C21orf58: variants seen among roughly 807,000 people sequenced by gnomAD.
C21orf58 encodes chromosome 21 open reading frame 58.
A neutral mutation model predicts 35.8 loss-of-function variants in C21orf58; 34 were observed. The ratio of observed to expected loss-of-function variants is 0.95; its 90% CI spans 0.72 to 1.26. C21orf58 has a LOEUF of 1.26. Among genes scored for constraint, C21orf58 ranks in the 50% most tolerant of loss-of-function variants. The probability of loss-of-function intolerance (pLI) is 0.00; values close to 1 mark genes in which losing one functional copy is unlikely to be tolerated. For synonymous variants in C21orf58, 191 were observed against 175.8 expected (o/e 1.09, Z -0.68); for missense variants, 440 against 414.3 (o/e 1.06, Z -0.54).
At chr21:46,303,074 G>A (rs1161582920) in intron 6 of C21orf58, among the ~76,000 whole-genome samples, 1 of 152,132 alleles carries the variant, frequency 6.6e-6, no homozygotes, top group East Asian at 1.9e-4. Context: ...TGAGGCATGA[G>A]AATCGCTTGA....
chr21:46,300,792 G>C (rs1294529439), downstream of C21orf58: 1 of 1,288,586 alleles, frequency 7.8e-7, no homozygotes, highest in Non-Finnish European at 1.0e-6. Context: ...GAAAGAATCT[G>C]TCCTAATAGG....
At chr21:46,319,307 AC>A (rs757590313) in intron 1 of C21orf58, among the ~76,000 whole-genome samples, 22 of 152,334 alleles carry the variant, frequency 1.4e-4, no homozygotes, top group Non-Finnish European at 2.6e-4. Context: ...AGGCCATCCA[AC>A]CAGAAATGAA....
At chr21:46,303,731 ATATATATATATATATTTTTTTTT>A (rs1569116266) in intron 6 of C21orf58, among the ~76,000 whole-genome samples, 4 of 28,436 alleles carry the variant, frequency 1.4e-4, no homozygotes, top group African/African-American at 6.9e-4. Flanking sequence ...ATATATATAT[ATATATATATATATATTTTTTTTT>A]TTTTTTTTTT....
chr21:46,323,145 CAGCT>C lies in C21orf58; in HGVS notation c.-411_-408del, dbSNP rs1329130616. On this transcript the variant is annotated 5_prime_UTR_variant, in exon 1 of 8. The change creates a premature stop within an existing upstream ORF in the 5' untranslated region. Coordinates refer to ENST00000291691, the MANE Select transcript of C21orf58 (RefSeq NM_058180.5). Reference sequence around the variant, plus strand: ...TCCCAAGTTCCACCTACGCGCGCGCCAGCTGAGAAAACGCCCACCCCGGCGGTCC... The same window carrying C: ...TCCCAAGTTCCACCTACGCGCGCGCCGAGAAAACGCCCACCCCGGCGGTCC... 1 of 153,852 alleles carries C rather than the reference CAGCT, an allele frequency of 6.5e-6. No individual in the cohort carries two copies. Among genetic ancestry groups the C allele is most frequent in the Non-Finnish European group, 1.4e-5 (1 of 69,108 alleles). The allele number at this position is 153,852 out of a possible 1,614,324, so 9.5% of individuals were successfully genotyped here.
At position 46,301,729 on chromosome 21, in the gene C21orf58, G is replaced by C. The variant is rs543546185; in HGVS notation, c.*270C>G. The stretch of plus-strand genomic sequence containing the variant: ...CGGCGCCGCCCTACAGGAAAGGAGG[G>C]GTCCCTGGGAGGGGCTGTTGCCCTG... On this transcript the variant is annotated 3_prime_UTR_variant, in exon 8 of 8. Transcript: ENST00000291691. The C allele has an allele frequency of 1.7e-6, 2 of 1,205,794 alleles. No individual in the cohort carries two copies. Among genetic ancestry groups the C allele is most frequent in the African/African-American group, 3.1e-5 (2 of 63,946 alleles). The allele number at this position is 1,205,794 out of a possible 1,614,324, so 74.7% of individuals were successfully genotyped here. A position where few individuals can be genotyped will look rare whatever the true frequency, so the allele number is the denominator to read the frequency against.
At chr21:46,322,470 G>A (rs2146145950) in intron 1 of C21orf58, 169 bp downstream of exon 1, 1 of 985,294 alleles carries the variant, frequency 1.0e-6, no homozygotes, top group Non-Finnish European at 1.2e-6. Context: ...AGATTCAGGC[G>A]CGGTCTGGGT....
intron 6 of C21orf58, among the ~76,000 whole-genome samples, chr21:46,302,902 G>A (rs1601626969): frequency 1.1e-5 from 1 of 88,192 alleles, no homozygotes; most frequent in Non-Finnish European, 2.2e-5. Flanking sequence ...TCCCCGGGGC[G>A]CGCCCTGAGC....
Position 46,322,660 on chromosome 21 carries a change from A to T in C21orf58, c.79T>A (p.Ser27Thr). Reference protein sequence around the residue: ...LDRQKLPSPDSGHSLLCGWSP... With the variant: ...LDRQKLPSPDTGHSLLCGWSP... ...TCACCACACAGAAGACTGTGGCCTGAGTCAGGAGAAGGAAGTTTCTGGCGG... is the reference window on the plus strand; with the variant it reads ...TCACCACACAGAAGACTGTGGCCTGTGTCAGGAGAAGGAAGTTTCTGGCGG... Residue 27 changes from serine to threonine, a missense_variant, in exon 1 of 8, where the codon TCA becomes ACA. Transcript: ENST00000291691. 1 of 1,593,098 alleles carries T rather than the reference A, an allele frequency of 6.3e-7. No homozygotes were observed. Among genetic ancestry groups the T allele is most frequent in the East Asian group, 2.3e-5 (1 of 43,446 alleles).
intron 6 of C21orf58, among the ~76,000 whole-genome samples, chr21:46,306,918 CAG>C (rs2082444374): frequency 6.8e-6 from 1 of 148,106 alleles, no homozygotes; most frequent in African/African-American, 2.5e-5. Context: ...TTTTTTAAGA[CAG>C]AGTCTTGGTC....
intron 5 of C21orf58, among the ~76,000 whole-genome samples, chr21:46,313,627 C>T (rs993181004): frequency 4.6e-5 from 7 of 152,312 alleles, no homozygotes; most frequent in South Asian, 2.1e-4. Context: ...AATGACCCCC[C>T]GTACTCCCTT....
rs1389050920 is a variant in C21orf58, at chr21:46,301,463, G to A, written c.*536C>T. The A allele has an allele frequency of 2.2e-6, 2 of 897,174 alleles. No homozygotes were observed. The highest frequency in any genetic ancestry group is 6.4e-5 in the African/African-American group (2 of 31,256). The allele number at this position is 897,174 out of a possible 1,614,324, so 55.6% of individuals were successfully genotyped here. On this transcript the variant is annotated 3_prime_UTR_variant, in exon 8 of 8. Transcript: ENST00000291691. ...ACCCCTACTTCTTTAGTGGGAGTCT[G>A]TGCCACAGCTGTGGACACAGGTGTC...
At position 46,317,252 on chromosome 21, in the gene C21orf58, C is replaced by T. The variant is rs773446432; in HGVS notation, c.326G>A (p.Arg109Gln). ...CTCAGGTCCCCCTTCCACGTTCTGC[C>T]GTTCTTGCTCCAGCTTCTGTGAGGA... ...KLLGQKLEQE[R>Q]QNVEGGPEGL... is the part of the protein sequence containing the mutation. The change falls in exon 3 of 8, where the codon CGG (arginine) becomes CAG (glutamine). Residue 109 changes from arginine (R) to glutamine (Q), a missense_variant. By Grantham distance (43) the Arg-to-Gln change is conservative. Transcript: ENST00000291691. 33 of 1,611,822 alleles carry T rather than the reference C, an allele frequency of 2.0e-5. No individual in the cohort carries two copies. Among genetic ancestry groups the T allele is most frequent in the Non-Finnish European group, 2.6e-5 (31 of 1,179,690 alleles).
intron 3 of C21orf58, among the ~76,000 whole-genome samples, chr21:46,316,769 A>G (rs2082990832): frequency 6.6e-6 from 1 of 152,206 alleles, no homozygotes; most frequent in Non-Finnish European, 1.5e-5. Context: ...CACAGCTCAC[A>G]GCTTGCCCCA....
At chr21:46,318,385 A>T in intron 1 of C21orf58, 165 bp from the exon 2 acceptor site, 2 of 1,440,676 alleles carry the variant, frequency 1.4e-6, no homozygotes, top group Non-Finnish European at 9.1e-7. Flanking sequence ...ACCGGTAAAC[A>T]CTCATCCCCA....
chr21:46,310,145 T>C (rs2082609797), intron 6 of C21orf58, among the ~76,000 whole-genome samples: 1 of 152,064 alleles, frequency 6.6e-6, no homozygotes, highest in African/African-American at 2.4e-5. Context: ...TGCTCAGTCT[T>C]GATTGTAGTG....
Position 46,302,023 on chromosome 21 carries a change from G to A in C21orf58, c.945C>T (p.Ser315=), listed in dbSNP as rs979905654. ...CTCAGGGTGGGCCAGGCGTCCACAG[G>A]CTGGGGGCGGGCTGGAGGACAGTGG... ...GAATVLQPAP[S]LWTPGPP The change falls in exon 8 of 8, where the codon AGC becomes AGT. Residue 315 remains serine (S), a synonymous_variant. Transcript: ENST00000291691. The A allele has an allele frequency of 3.3e-6, 5 of 1,536,182 alleles. 1 individual carries two copies. In the African/African-American group the frequency reaches 5.5e-5, roughly 17 times the overall value.
chr21:46,312,907 C>A, intron 5 of C21orf58: 1 of 733,678 alleles, frequency 1.4e-6, no homozygotes, highest in Non-Finnish European at 1.7e-6. Flanking sequence ...ATATATAGAA[C>A]ACGTCATGAA....
At chr21:46,300,905 G>C (rs1366681553), downstream of C21orf58, 1 of 928,716 alleles carries the variant, frequency 1.1e-6, no homozygotes, top group Non-Finnish European at 1.5e-6. Context: ...AAAAAGTAAA[G>C]AAAAGAAATA....
chr21:46,318,477 G>GA (rs2083056564), intron 1 of C21orf58: 8 of 1,381,630 alleles, frequency 5.8e-6, no homozygotes, highest in Non-Finnish European at 7.5e-6. Flanking sequence ...AGACCTGGGG[G>GA]AAGGGCAGTC....
Sources: allele counts gnomAD v4.1 joint callset (sites outside exome capture counted in the v4.1 genomes callset), GRCh38; gene constraint gnomAD v4.1.1; transcripts MANE v1.5; gene names NCBI Gene and HGNC (gene_info 2026-07-23, HGNC 2026-07-21).